Variants in BACE2 observed in about 807,000 individuals in gnomAD.
The protein encoded by BACE2 is 56 kDa aspartic-like protease.
In BACE2, 17 loss-of-function variants were observed where a neutral mutation model predicts 46.2. That is an observed-to-expected ratio of 0.37 (90% confidence interval 0.25 to 0.55). The LOEUF (loss-of-function observed/expected upper bound fraction) is 0.55. Among genes scored for constraint, BACE2 ranks in the 20% least tolerant of loss-of-function variants. The pLI, the probability that BACE2 is intolerant of heterozygous loss-of-function variation, is 0.82. For missense variants in BACE2, 595 were observed against 698.1 expected (o/e 0.85, Z 1.66); for synonymous variants, 277 against 295.9 (o/e 0.94, Z 0.66).
At chr21:41,172,992 G>A (rs1601235752) in intron 1 of BACE2, among the ~76,000 whole-genome samples, 1 of 152,098 alleles carries the variant, frequency 6.6e-6, no homozygotes, top group Non-Finnish European at 1.5e-5. Context: ...CTCCATGTAA[G>A]TTTCTGTGGC....
intron 1 of BACE2, among the ~76,000 whole-genome samples, chr21:41,207,602 C>G (rs988310761): frequency 4.6e-5 from 7 of 152,038 alleles, no homozygotes; most frequent in African/African-American, 1.4e-4. Flanking sequence ...ACTCCTTGTT[C>G]TCTCTCTCTG....
chr21:41,237,311 T>C (rs1410899496), intron 2 of BACE2, among the ~76,000 whole-genome samples: 2 of 152,040 alleles, frequency 1.3e-5, no homozygotes, highest in African/African-American at 4.8e-5. Flanking sequence ...CTGGGCGTGG[T>C]GATGTGTGCC....
intron 1 of BACE2, among the ~76,000 whole-genome samples, chr21:41,187,284 C>T (rs78113820): frequency 0.029 from 4,459 of 152,260 alleles, 85 homozygotes; most frequent in Middle Eastern, 0.078. Context: ...CACTCTTCAG[C>T]GTTTCTGGCT....
intron 1 of BACE2, chr21:41,178,978 A>T: frequency 1.3e-6 from 1 of 750,560 alleles, no homozygotes; most frequent in Non-Finnish European, 1.9e-6. Flanking sequence ...AGGAGGTGCA[A>T]TTTGAGATGA....
At chr21:41,247,167 C>T (rs1271292955) in intron 6 of BACE2, among the ~76,000 whole-genome samples, 1 of 152,166 alleles carries the variant, frequency 6.6e-6, no homozygotes, top group Non-Finnish European at 1.5e-5. Flanking sequence ...GCCTTGTTAA[C>T]AGCTCATAGC....
intron 1 of BACE2, among the ~76,000 whole-genome samples, chr21:41,210,628 G>A (rs558710343): frequency 3.9e-5 from 6 of 152,292 alleles, no homozygotes; most frequent in South Asian, 2.1e-4. Flanking sequence ...ACTGCAGCTC[G>A]GATTGGGCAG....
chr21:41,237,459 T>C (rs1987156241), intron 2 of BACE2, 54 bp from the exon 3 acceptor site: 3 of 1,280,714 alleles, frequency 2.3e-6, no homozygotes. Context: ...AATAAATAAA[T>C]AAAAATAAAA....
intron 1 of BACE2, among the ~76,000 whole-genome samples, chr21:41,188,994 G>T (rs568807393): frequency 1.3e-5 from 2 of 152,310 alleles, no homozygotes; most frequent in Non-Finnish European, 1.5e-5. Context: ...CGCTCCTGTG[G>T]CCAGGCAGCA....
At chr21:41,214,816 G>T (rs73902957) in intron 1 of BACE2, among the ~76,000 whole-genome samples, 2 of 152,208 alleles carry the variant, frequency 1.3e-5, no homozygotes, top group South Asian at 2.1e-4. Flanking sequence ...CATGGAGGGC[G>T]CACTGTGCTG....
At chr21:41,261,012 T>C (rs767018564) in intron 8 of BACE2, among the ~76,000 whole-genome samples, 2 of 152,252 alleles carry the variant, frequency 1.3e-5, no homozygotes, top group Non-Finnish European at 2.9e-5. Flanking sequence ...CTAGGTTATT[T>C]GTTTTGACTG....
chr21:41,215,086 G>A lies in BACE2; in HGVS notation c.313-11180G>A, dbSNP rs928433733. On this transcript the variant is annotated intron_variant, in intron 1 of 8. Transcript: ENST00000330333. The stretch of plus-strand genomic sequence containing the variant: ...AGAGATGACCGTGGGCCTGGAGCAC[G>A]GGAGGTCACTGGTGAGCTTGGCCGG... 6.6e-5 allele frequency among the ~76,000 whole-genome samples: 10 copies of A among 152,142 alleles called. No homozygotes were observed. The East Asian group carries it at 7.7e-4, about 12-fold the overall frequency.
chr21:41,270,214 AT>A (rs1165732675), intron 8 of BACE2, among the ~76,000 whole-genome samples: 1 of 152,160 alleles, frequency 6.6e-6, no homozygotes, highest in Non-Finnish European at 1.5e-5. Context: ...CCTCAGAGTT[AT>A]TTATATATGA....
intron 3 of BACE2, among the ~76,000 whole-genome samples, chr21:41,238,954 T>TGAAAAAA (rs1987210467): frequency 1.2e-5 from 1 of 85,658 alleles, no homozygotes; most frequent in Non-Finnish European, 2.2e-5. Flanking sequence ...AAAGTATAAT[T>TGAAAAAA]AAAAAAAAAA....
chr21:41,221,043 T>C (rs538973191), intron 1 of BACE2, among the ~76,000 whole-genome samples: 1 of 113,848 alleles, frequency 8.8e-6, no homozygotes, highest in Non-Finnish European at 1.8e-5. Flanking sequence ...AAAAAGTATA[T>C]TAAAAAAAAA....
chr21:41,204,831 C>G (rs1427585548), intron 1 of BACE2, among the ~76,000 whole-genome samples: 1 of 152,148 alleles, frequency 6.6e-6, no homozygotes, highest in Non-Finnish European at 1.5e-5. Context: ...AGAGGTCAGT[C>G]AATAGAGATT....
At chr21:41,258,244 CA>C (rs1568890291) in intron 8 of BACE2, among the ~76,000 whole-genome samples, 2 of 152,030 alleles carry the variant, frequency 1.3e-5, no homozygotes, top group Middle Eastern at 6.8e-3. Flanking sequence ...AGTGTGAGGT[CA>C]AAAAAGAATC....
At chr21:41,208,072 G>T (rs1568867960) in intron 1 of BACE2, among the ~76,000 whole-genome samples, 1 of 152,210 alleles carries the variant, frequency 6.6e-6, no homozygotes, top group Non-Finnish European at 1.5e-5. Context: ...GCAGGCAAAA[G>T]TCGTCTCCCA....
intron 5 of BACE2, among the ~76,000 whole-genome samples, chr21:41,243,713 C>T (rs1448345768): frequency 2.0e-5 from 3 of 152,142 alleles, no homozygotes; most frequent in African/African-American, 7.2e-5. Context: ...ATTGCATCCT[C>T]CCAACCACTT....
intron 1 of BACE2, among the ~76,000 whole-genome samples, chr21:41,198,571 A>G (rs1267035547): frequency 1.3e-5 from 2 of 152,190 alleles, no homozygotes; most frequent in African/African-American, 2.4e-5. Flanking sequence ...ATAGAATTGA[A>G]CAATCTTTTT....
Sources: gnomAD v4.1 joint callset for allele counts (sites outside exome capture counted in the v4.1 genomes callset) on GRCh38, gnomAD v4.1.1 for gene constraint, MANE v1.5 for transcripts, NCBI Gene and HGNC (gene_info 2026-07-23, HGNC 2026-07-21) for gene names.